The following ZNF487 variants were observed in gnomAD, a reference collection of about 807,000 sequenced individuals.
The protein encoded by ZNF487 is KRAB domain only 1.
In ZNF487, 4 loss-of-function variants were observed where a neutral mutation model predicts 3.0. That is an observed-to-expected ratio of 1.35 (90% CI 0.66 to 3.08). The LOEUF (loss-of-function observed/expected upper bound fraction) is 3.08, where lower values mean the gene tolerates loss of function less well. ZNF487 is among the 30% of genes most tolerant of loss of function. The probability of loss-of-function intolerance (pLI) is 0.01; values close to 1 mark genes in which losing one functional copy is unlikely to be tolerated. For missense variants in ZNF487, 146 were observed against 98.7 expected (o/e 1.48, Z -2.03); for synonymous variants, 55 against 34.6 (o/e 1.59, Z -2.06).
chr10:43,476,282 T>C, intron 3 of ZNF487, 80 bp downstream of exon 3: 1 of 652,302 alleles, frequency 1.5e-6, no homozygotes. Flanking sequence ...ATTGACATCT[T>C]TGAAATTTTT....
chr10:43,463,519 CAG>C (rs1166034949), intron 1 of ZNF487, among the ~76,000 whole-genome samples: 1 of 150,360 alleles, frequency 6.7e-6, no homozygotes, highest in Non-Finnish European at 1.5e-5. Context: ...GTCTGGGTTT[CAG>C]AGTGAAACAC....
At chr10:43,446,609 G>C (rs1158725303) in intron 1 of ZNF487, among the ~76,000 whole-genome samples, 2 of 151,148 alleles carry the variant, frequency 1.3e-5, no homozygotes, top group Admixed American at 1.3e-4. Flanking sequence ...CGGCCGGGCA[G>C]GGGCGCTCCC....
chr10:43,499,490 C>T, the ZNF487 span, among the ~76,000 whole-genome samples: 2 of 152,092 alleles, frequency 1.3e-5, no homozygotes, highest in Admixed American at 1.3e-4. Flanking sequence ...GATCACAGCT[C>T]ACTCAAGCCT....
At chr10:43,518,891 T>C in the ZNF487 span, among the ~76,000 whole-genome samples, 31,798 of 152,144 alleles carry the variant, frequency 0.21, 5,537 homozygotes, top group African/African-American at 0.47. Context: ...TACAGTATTT[T>C]ACCTACTTAC....
At chr10:43,467,867 G>A (rs1281872936) in intron 1 of ZNF487, among the ~76,000 whole-genome samples, 2 of 152,032 alleles carry the variant, frequency 1.3e-5, no homozygotes, top group Non-Finnish European at 1.5e-5. Flanking sequence ...AGCTGGCATG[G>A]ATAGTGATCC....
intron 1 of ZNF487, among the ~76,000 whole-genome samples, chr10:43,455,985 C>T (rs1389884255): frequency 1.3e-5 from 2 of 152,226 alleles, no homozygotes; most frequent in Non-Finnish European, 2.9e-5. Context: ...GGCGGAAGTC[C>T]AGCGTTGCAT....
chr10:43,506,938 G>A, the ZNF487 span, among the ~76,000 whole-genome samples: 1 of 152,178 alleles, frequency 6.6e-6, no homozygotes, highest in Admixed American at 6.5e-5. Context: ...TGTTCTTGGT[G>A]GATAACTGGC....
rs933330480 is a variant in ZNF487, at chr10:43,437,111, A to G, written c.-245A>G. 1.4e-4 allele frequency: 44 copies of G among 303,880 alleles called. No homozygotes were observed. The highest frequency in any genetic ancestry group is 2.3e-4 in the Non-Finnish European group (35 of 155,230). The allele number at this position is 303,880 out of a possible 1,614,324, so 18.8% of individuals were successfully genotyped here. ...GCCCCGCCCCTCGGCGGCCCCGCCC[A>G]GGGAGCGCTGCGGCAGTTTCCATGG... is the stretch of plus-strand genomic sequence containing the variant. On this transcript the variant is annotated 5_prime_UTR_variant, in exon 1 of 4. Transcript: ENST00000437590.
the ZNF487 span, among the ~76,000 whole-genome samples, chr10:43,522,757 A>AAAACAAAG: frequency 6.6e-6 from 1 of 152,042 alleles, no homozygotes; most frequent in Non-Finnish European, 1.5e-5. Flanking sequence ...AAAAAAAATA[A>AAAACAAAG]AAACAAAGAA....
chr10:43,486,491 A>C (rs1841472992), downstream of ZNF487, among the ~76,000 whole-genome samples: 1 of 152,018 alleles, frequency 6.6e-6, no homozygotes, highest in South Asian at 2.1e-4. Flanking sequence ...GCGCCATTGC[A>C]CTACAGCCTG....
the ZNF487 span, among the ~76,000 whole-genome samples, chr10:43,496,782 G>A: frequency 2.9e-3 from 448 of 152,184 alleles, 1 homozygote; most frequent in African/African-American, 0.01. Context: ...CCAATGTCAC[G>A]TTACATCCTC....
intron 1 of ZNF487, among the ~76,000 whole-genome samples, chr10:43,460,524 T>A (rs1840393732): frequency 6.7e-6 from 1 of 149,852 alleles, no homozygotes; most frequent in Non-Finnish European, 1.5e-5. Context: ...TACAGGTGTC[T>A]GCCACCATGC....
At chr10:43,479,125 G>GTA (rs35974301) in intron 3 of ZNF487, among the ~76,000 whole-genome samples, 6 of 148,060 alleles carry the variant, frequency 4.1e-5, no homozygotes, top group African/African-American at 7.5e-5. Context: ...ATATATGTGT[G>GTA]TATATATATA....
At chr10:43,504,966 A>ACCC in the ZNF487 span, among the ~76,000 whole-genome samples, 17 of 152,030 alleles carry the variant, frequency 1.1e-4, no homozygotes, top group African/African-American at 4.1e-4. Flanking sequence ...TAAGCCTCCC[A>ACCC]AAGTGTTGGG....
the ZNF487 span, chr10:43,523,855 C>A: frequency 6.6e-6 from 1 of 152,012 alleles, no homozygotes. Context: ...GGTGAGAAAT[C>A]TCTAAATAAA....
chr10:43,517,687 G>A, the ZNF487 span, among the ~76,000 whole-genome samples: 1 of 152,178 alleles, frequency 6.6e-6, no homozygotes, highest in African/African-American at 2.4e-5. Flanking sequence ...ATTGTTCCTT[G>A]GGTCACAGAA....
At chr10:43,440,074 G>A (rs1345966842) in intron 1 of ZNF487, among the ~76,000 whole-genome samples, 1 of 146,024 alleles carries the variant, frequency 6.8e-6, no homozygotes. Context: ...TTGAGGCGAA[G>A]TTTCACTCAT....
downstream of ZNF487, among the ~76,000 whole-genome samples, chr10:43,483,876 G>T (rs761457623): frequency 1.3e-5 from 2 of 151,696 alleles, no homozygotes; most frequent in Non-Finnish European, 2.9e-5. Flanking sequence ...TTTTGAGATG[G>T]AGTCTCACTC....
At chr10:43,467,479 A>G (rs1840748844) in intron 1 of ZNF487, among the ~76,000 whole-genome samples, 1 of 151,700 alleles carries the variant, frequency 6.6e-6, no homozygotes, top group Admixed American at 6.6e-5. Flanking sequence ...CTGTTATTGC[A>G]GGTGTGAGCC....
Sources: allele counts gnomAD v4.1 joint callset (sites outside exome capture counted in the v4.1 genomes callset), GRCh38; gene constraint gnomAD v4.1.1; transcripts MANE v1.5; gene names NCBI Gene and HGNC (gene_info 2026-07-23, HGNC 2026-07-21).